The following GLO1 variants were observed in gnomAD, a reference collection of about 807,000 sequenced individuals.
The protein encoded by GLO1 is glyoxalase I, also known as lactoylglutathione lyase.
In GLO1, 28 loss-of-function variants were observed where a neutral mutation model predicts 26.0. The ratio of observed to expected loss-of-function variants is 1.08; its 90% CI spans 0.80 to 1.48. GLO1 has a LOEUF of 1.48. Among genes scored for constraint, GLO1 ranks in the 40% most tolerant of loss-of-function variants. The pLI, the probability that GLO1 is intolerant of heterozygous loss-of-function variation, is 0.00. For synonymous variants in GLO1, 78 were observed against 77.6 expected (o/e 1.00, Z -0.03); for missense variants, 225 against 224.8 (o/e 1.00, Z -0.01).
In GLO1 at chr6:38,681,773, G is replaced by T. The variant is rs1013135979; in HGVS notation, c.466+239C>A. Among the ~76,000 whole-genome samples the T allele has an allele frequency of 2.0e-5, 3 of 152,318 alleles. No individual in the cohort carries two copies. In the East Asian group the frequency reaches 5.8e-4, roughly 29 times the overall value. On this transcript the variant is annotated intron_variant, in intron 5 of 5. Coordinates refer to ENST00000373365, the MANE Select transcript of GLO1 (RefSeq NM_006708.3). The stretch of plus-strand genomic sequence containing the variant: ...CGGGCAGTGGGAGAGGAAGCGTAGG[G>T]TTTTGATGGCTGTCCAGGTCCTGTG...
intron 1 of GLO1, among the ~76,000 whole-genome samples, chr6:38,697,488 A>G (rs1761629739): frequency 6.6e-6 from 1 of 152,186 alleles, no homozygotes; most frequent in Admixed American, 6.5e-5. Context: ...TAGCAACTCC[A>G]TAGGCAGAAC....
chr6:38,695,942 C>T (rs1761605778), intron 1 of GLO1, among the ~76,000 whole-genome samples: 2 of 152,174 alleles, frequency 1.3e-5, no homozygotes, highest in Admixed American at 6.5e-5. Context: ...TTAGGAAACT[C>T]ATTGCCTTGT....
intron 5 of GLO1, among the ~76,000 whole-genome samples, chr6:38,678,742 C>A (rs532411842): frequency 6.6e-6 from 1 of 152,224 alleles, no homozygotes; most frequent in Non-Finnish European, 1.5e-5. Context: ...CCTCTCTCCA[C>A]GCCCAGGGCT....
At position 38,676,877 on chromosome 6, in the gene GLO1, TTTCCTTTCC is replaced by T. The variant is rs1489499454; in HGVS notation, c.*409_*417del. 3.0e-5 allele frequency: 5 copies of T among 166,026 alleles called. No homozygotes were observed. In the East Asian group the frequency reaches 9.2e-4, roughly 31 times the overall value. 10.3% of individuals were successfully genotyped at this position (166,026 alleles called of 1,614,324 possible). A position where few individuals can be genotyped will look rare whatever the true frequency, so the allele number is the denominator to read the frequency against. ...CTTTACTGAAAGAACACTAGTGTTC[TTTCCTTTCC>T]GTTGTGAAAAAAGTTGTTTCTGAGG... On this transcript the variant is annotated 3_prime_UTR_variant, in exon 6 of 6. Coordinates refer to ENST00000373365, the MANE Select transcript of GLO1 (RefSeq NM_006708.3).
At chr6:38,677,971 G>T (rs1364342880) in intron 5 of GLO1, among the ~76,000 whole-genome samples, 1 of 152,170 alleles carries the variant, frequency 6.6e-6, no homozygotes, top group Non-Finnish European at 1.5e-5. Flanking sequence ...AGTAGTTACA[G>T]AAATTGTCTT....
At chr6:38,702,345 C>T (rs898518114) in intron 1 of GLO1, among the ~76,000 whole-genome samples, 2 of 152,176 alleles carry the variant, frequency 1.3e-5, no homozygotes, top group African/African-American at 4.8e-5. Flanking sequence ...GGTCATTTCT[C>T]TTACTGGGTC....
At chr6:38,686,728 G>T (rs974129286) in intron 2 of GLO1, among the ~76,000 whole-genome samples, 164 bp downstream of exon 2, 8 of 152,172 alleles carry the variant, frequency 5.3e-5, no homozygotes, top group African/African-American at 1.9e-4. Context: ...AGAAGAAAAA[G>T]AACTTACGAG....
intron 1 of GLO1, among the ~76,000 whole-genome samples, chr6:38,692,251 G>A (rs1234720041): frequency 1.3e-5 from 2 of 152,076 alleles, no homozygotes; most frequent in Non-Finnish European, 2.9e-5. Flanking sequence ...TATGTGTCCT[G>A]TAAATGTTTA....
At chr6:38,680,757 G>A (rs183172802) in intron 5 of GLO1, among the ~76,000 whole-genome samples, 54 of 152,196 alleles carry the variant, frequency 3.5e-4, no homozygotes, top group African/African-American at 1.3e-3. Context: ...TGGGTGTGGT[G>A]GCATGTGCCT....
At chr6:38,696,945 G>T (rs1761620304) in intron 1 of GLO1, among the ~76,000 whole-genome samples, 1 of 146,530 alleles carries the variant, frequency 6.8e-6, no homozygotes, top group African/African-American at 2.6e-5. Context: ...TTGAGATGGA[G>T]TCTCACTCTG....
intron 1 of GLO1, among the ~76,000 whole-genome samples, chr6:38,696,549 A>C (rs1189524749): frequency 6.6e-6 from 1 of 152,188 alleles, no homozygotes; most frequent in Non-Finnish European, 1.5e-5. Context: ...GAAGGGCTTG[A>C]TCATTCTTTA....
chr6:38,681,065 AAT>A (rs1378718447), intron 5 of GLO1, among the ~76,000 whole-genome samples: 1 of 151,950 alleles, frequency 6.6e-6, no homozygotes, highest in African/African-American at 2.4e-5. Context: ...TTGGATATTA[AAT>A]ATATATATAT....
chr6:38,694,787 T>C (rs1382884073), intron 1 of GLO1, among the ~76,000 whole-genome samples: 1 of 152,250 alleles, frequency 6.6e-6, no homozygotes, highest in Non-Finnish European at 1.5e-5. Context: ...CTCTGCTGTT[T>C]AGTAACATAT....
chr6:38,683,889 A>AAAAT (rs376041188), intron 3 of GLO1, among the ~76,000 whole-genome samples: 2,124 of 151,652 alleles, frequency 0.014, 53 homozygotes, highest in African/African-American at 0.048. Context: ...TCTGTCTCAA[A>AAAAT]AAATAAATAA....
intron 2 of GLO1, among the ~76,000 whole-genome samples, chr6:38,685,152 G>C (rs887443873): frequency 2.6e-5 from 4 of 152,194 alleles, no homozygotes; most frequent in African/African-American, 7.2e-5. Context: ...GCATCAGCTG[G>C]ATTACACTGT....
chr6:38,681,300 G>A (rs1287734711), intron 5 of GLO1, among the ~76,000 whole-genome samples: 3 of 152,184 alleles, frequency 2.0e-5, no homozygotes, highest in Non-Finnish European at 4.4e-5. Flanking sequence ...CTGACCTCGT[G>A]ATCCGCCCGC....
Position 38,702,997 on chromosome 6 carries a change from A to G in GLO1, c.58T>C (p.Cys20Arg), listed in dbSNP as rs147217818. 5.7e-6 allele frequency: 9 copies of G among 1,589,442 alleles called. No individual in the cohort carries two copies. Among genetic ancestry groups the G allele is most frequent in the Non-Finnish European group, 7.8e-6 (9 of 1,161,236 alleles). The change falls in exon 1 of 6, where the codon TGC becomes CGC. Residue 20 changes from cysteine (C) to arginine (R), a missense_variant. Physicochemically the swap from Cys to Arg is radical, Grantham distance 180 (BLOSUM62 -3). Transcript: ENST00000373365. ...GLTDEAALSCCSDADPSTKDF... is the reference protein window; with the variant it reads ...GLTDEAALSCRSDADPSTKDF... Reference sequence around the variant, plus strand: ...TTGGTACTGGGGTCCGCGTCGGAGCAGCAACTGAGGGCGGCCTCGTCCGTG... The same window carrying G: ...TTGGTACTGGGGTCCGCGTCGGAGCGGCAACTGAGGGCGGCCTCGTCCGTG...
intron 5 of GLO1, among the ~76,000 whole-genome samples, chr6:38,677,913 T>C (rs1177274481): frequency 2.6e-5 from 4 of 152,228 alleles, no homozygotes; most frequent in Non-Finnish European, 1.5e-5. Context: ...CTGCATCTTT[T>C]AGGTATCAGG....
chr6:38,688,999 G>A (rs1761496328), intron 1 of GLO1, among the ~76,000 whole-genome samples: 1 of 152,186 alleles, frequency 6.6e-6, no homozygotes, highest in South Asian at 2.1e-4. Flanking sequence ...TTCCAAGTGT[G>A]AGAAGGGGCC....
Sources: gnomAD v4.1 joint callset for allele counts (sites outside exome capture counted in the v4.1 genomes callset) on GRCh38, gnomAD v4.1.1 for gene constraint, MANE v1.5 for transcripts, NCBI Gene and HGNC (gene_info 2026-07-23, HGNC 2026-07-21) for gene names.